Variants in EEFSEC observed in about 807,000 individuals in gnomAD.
EEFSEC encodes the protein selenocysteine-specific elongation factor.
In EEFSEC, 43 loss-of-function variants were observed where a neutral mutation model predicts 42.1. The ratio of observed to expected loss-of-function variants is 1.02; its 90% CI spans 0.80 to 1.32. EEFSEC has a LOEUF of 1.32. Among genes scored for constraint, EEFSEC ranks in the 40% most tolerant of loss-of-function variants. EEFSEC has a pLI of 0.00. For missense variants in EEFSEC, 745 were observed against 803.6 expected (o/e 0.93, Z 0.88); for synonymous variants, 354 against 339.1 (o/e 1.04, Z -0.48).
Position 128,358,654 on chromosome 3 carries a change from G to A in EEFSEC, c.1600+281G>A, listed in dbSNP as rs6785459. Among the ~76,000 whole-genome samples, 844 of 152,284 alleles carry A rather than the reference G, an allele frequency of 5.5e-3. 3 individuals carry two copies. Among genetic ancestry groups the A allele is most frequent in the Non-Finnish European group, 8.9e-3 (607 of 68,020 alleles). On this transcript the variant is annotated intron_variant, in intron 6 of 6. Transcript: ENST00000254730. ...TACCATCTGAGGGGGCCTTGGGCCC[G>A]CACCTTGGTTTCTCTGTGGAGGCGG... is the stretch of plus-strand genomic sequence containing the variant.
At position 128,408,492 on chromosome 3, in the gene EEFSEC, A is replaced by G; in HGVS notation, c.*233A>G. 7.3e-6 allele frequency: 3 copies of G among 410,970 alleles called. No individual in the cohort carries two copies. Among genetic ancestry groups the G allele is most frequent in the Non-Finnish European group, 1.3e-5 (3 of 234,734 alleles). 25.5% of individuals were successfully genotyped at this position (410,970 alleles called of 1,614,324 possible). A position where few individuals can be genotyped will look rare whatever the true frequency, so the allele number is the denominator to read the frequency against. On this transcript the variant is annotated 3_prime_UTR_variant, in exon 7 of 7. Transcript: ENST00000254730. ...CACACTCCCACCCAGGACAGCCCCC[A>G]GCCCAACTAGGAAAGGGCCATGGGC...
rs1016443774 is a variant in EEFSEC, at chr3:128,402,544, G to A, written c.1601-5525G>A. On this transcript the variant is annotated intron_variant, in intron 6 of 6. Transcript: ENST00000254730. ...GTTCCCGCTCTGCCTGTAAATAGCC[G>A]TGTGACCTTGGGCAAGGTACTAACT... Among the ~76,000 whole-genome samples the A allele has an allele frequency of 3.3e-5, 5 of 152,356 alleles. No homozygotes were observed. The East Asian group carries it at 5.8e-4, about 18-fold the overall frequency.
At chr3:128,275,492 G>A (rs536920801) in intron 4 of EEFSEC, among the ~76,000 whole-genome samples, 9 of 152,352 alleles carry the variant, frequency 5.9e-5, no homozygotes, top group African/African-American at 2.2e-4. Context: ...GGGGACTGGA[G>A]TCCCTGACAG....
chr3:128,188,743 CAA>C (rs1346403116), intron 1 of EEFSEC, among the ~76,000 whole-genome samples: 1 of 152,124 alleles, frequency 6.6e-6, no homozygotes, highest in African/African-American at 2.4e-5. Context: ...GCCTCATCTG[CAA>C]AGTTTGCTGG....
chr3:128,236,550 CAG>C (rs1317850055), intron 1 of EEFSEC, among the ~76,000 whole-genome samples: 1 of 149,696 alleles, frequency 6.7e-6, no homozygotes, highest in African/African-American at 2.4e-5. Flanking sequence ...AGGTGAAAAA[CAG>C]AATTTCAGTG....
At chr3:128,355,220 A>G (rs1009005416) in intron 5 of EEFSEC, among the ~76,000 whole-genome samples, 19 of 152,242 alleles carry the variant, frequency 1.2e-4, no homozygotes, top group Admixed American at 5.2e-4. Flanking sequence ...GAGGAGGGAG[A>G]CAGATAGGTC....
chr3:128,389,415 C>T (rs60491360), intron 6 of EEFSEC, among the ~76,000 whole-genome samples: 1,949 of 152,354 alleles, frequency 0.013, 40 homozygotes, highest in African/African-American at 0.045. Flanking sequence ...TTCTGTTCAG[C>T]CTTGGTTGCC....
chr3:128,210,291 G>A lies in EEFSEC; in HGVS notation c.317-36545G>A, dbSNP rs564154406. Among the ~76,000 whole-genome samples the A allele has an allele frequency of 3.5e-4, 54 of 152,338 alleles. 2 individuals carry two copies. The East Asian group carries it at 0.01, about 29-fold the overall frequency. The stretch of plus-strand genomic sequence containing the variant: ...ATAGCAGCTCAGACTGAGGTTGGTA[G>A]TTGGCAGAGAGGCAGATTGAGTAGT... On this transcript the variant is annotated intron_variant, in intron 1 of 6. Coordinates refer to ENST00000254730, the MANE Select transcript of EEFSEC (RefSeq NM_021937.5).
the EEFSEC span, among the ~76,000 whole-genome samples, chr3:128,417,248 A>G: frequency 6.6e-6 from 1 of 151,960 alleles, no homozygotes; most frequent in Admixed American, 6.5e-5. The surrounding 1 kb of genome is among the most constrained non-coding windows in gnomAD (Gnocchi z 4.3). Context: ...CCTCAGGGCA[A>G]TTGCCAGAGT....
chr3:128,251,919 A>G (rs765750646), intron 2 of EEFSEC, among the ~76,000 whole-genome samples: 8 of 152,214 alleles, frequency 5.3e-5, no homozygotes, highest in East Asian at 3.8e-4. Flanking sequence ...TGTACCCACA[A>G]TCTTCTCAAT....
intron 4 of EEFSEC, among the ~76,000 whole-genome samples, chr3:128,340,483 C>T (rs955140368): frequency 1.6e-4 from 25 of 151,560 alleles, no homozygotes; most frequent in African/African-American, 5.1e-4. Context: ...TTTGTTGTTG[C>T]TGTTGTTTCA....
At chr3:128,403,930 A>G (rs1324265151) in intron 6 of EEFSEC, among the ~76,000 whole-genome samples, 4 of 152,296 alleles carry the variant, frequency 2.6e-5, no homozygotes, top group East Asian at 3.9e-4. Context: ...GCCTTCTTAG[A>G]TGAGTAAACT....
At chr3:128,402,170 TAAAAGAA>T (rs1281209192) in intron 6 of EEFSEC, among the ~76,000 whole-genome samples, 1 of 152,086 alleles carries the variant, frequency 6.6e-6, no homozygotes, top group East Asian at 1.9e-4. Context: ...GGGAAATACA[TAAAAGAA>T]GAAAGAAGGA....
intron 4 of EEFSEC, among the ~76,000 whole-genome samples, chr3:128,280,048 G>C (rs1044000136): frequency 6.6e-6 from 1 of 152,244 alleles, no homozygotes; most frequent in African/African-American, 2.4e-5. Flanking sequence ...ACTTTTGTCA[G>C]TCATGTTCCT....
At chr3:128,326,932 C>A (rs1037896662) in intron 4 of EEFSEC, among the ~76,000 whole-genome samples, 1 of 152,182 alleles carries the variant, frequency 6.6e-6, no homozygotes, top group East Asian at 1.9e-4. Context: ...TTGTTCTATG[C>A]GCTGTGCTCA....
intron 4 of EEFSEC, among the ~76,000 whole-genome samples, chr3:128,291,293 T>G (rs1304662783): frequency 6.6e-6 from 1 of 152,210 alleles, no homozygotes; most frequent in Admixed American, 6.5e-5. Context: ...GTTTGTCCCT[T>G]TCAAAACTCA....
chr3:128,335,106 G>A (rs894159406), intron 4 of EEFSEC, among the ~76,000 whole-genome samples: 1 of 152,248 alleles, frequency 6.6e-6, no homozygotes, highest in East Asian at 1.9e-4. Context: ...CCAAAAGAGG[G>A]CCCATGTGGC....
chr3:128,313,784 A>T (rs922681673), intron 4 of EEFSEC, among the ~76,000 whole-genome samples: 1 of 152,352 alleles, frequency 6.6e-6, no homozygotes, highest in Non-Finnish European at 1.5e-5. Flanking sequence ...GTTTACTTTG[A>T]AAAGGTAATA....
At chr3:128,212,574 G>C (rs1456498981) in intron 1 of EEFSEC, among the ~76,000 whole-genome samples, 1 of 152,188 alleles carries the variant, frequency 6.6e-6, no homozygotes, top group African/African-American at 2.4e-5. Context: ...ATTTAAAACC[G>C]AATGAGCAGT....
Sources: allele counts gnomAD v4.1 joint callset (sites outside exome capture counted in the v4.1 genomes callset), GRCh38; gene constraint gnomAD v4.1.1; non-coding constraint Gnocchi (gnomAD v3.1); transcripts MANE v1.5; gene names NCBI Gene and HGNC (gene_info 2026-07-23, HGNC 2026-07-21).